Variants in CAST observed in about 807,000 individuals in gnomAD.
CAST encodes calpastatin.
In CAST, 76 loss-of-function variants were observed where a neutral mutation model predicts 119.6. That is an observed-to-expected ratio of 0.64 (90% CI 0.53 to 0.77). The LOEUF (loss-of-function observed/expected upper bound fraction) is 0.77. Among genes scored for constraint, CAST ranks in the 30% least tolerant of loss-of-function variants. CAST has a pLI of 0.00. For synonymous variants in CAST, 319 were observed against 331.6 expected, an observed-to-expected ratio of 0.96 and a Z score of 0.41; for missense variants, 953 against 946.5, an observed-to-expected ratio of 1.01 and a Z score of -0.09.
At chr5:96,006,043 A>C in the CAST span, among the ~76,000 whole-genome samples, 1 of 152,192 alleles carries the variant, frequency 6.6e-6, no homozygotes, top group African/African-American at 2.4e-5. Context: ...TATTCTTCCC[A>C]AAAATACGAT....
chr5:96,044,977 C>G, the CAST span, among the ~76,000 whole-genome samples: 1 of 152,176 alleles, frequency 6.6e-6, no homozygotes, highest in Non-Finnish European at 1.5e-5. Context: ...GCTGTAGTAA[C>G]TGGGACAGGC....
chr5:96,669,683 G>T (rs1324152970), intron 1 of CAST, among the ~76,000 whole-genome samples: 1 of 152,194 alleles, frequency 6.6e-6, no homozygotes, highest in Non-Finnish European at 1.5e-5. Flanking sequence ...ATAGGGCACT[G>T]TGCTGCTTCA....
intron 1 of CAST, among the ~76,000 whole-genome samples, chr5:96,598,132 C>CATAACAAAA (rs1320654587): frequency 6.6e-6 from 1 of 152,156 alleles, no homozygotes; most frequent in African/African-American, 2.4e-5. Flanking sequence ...GCTGGACTTG[C>CATAACAAAA]TGCCCATACA....
the CAST span, among the ~76,000 whole-genome samples, chr5:96,452,492 C>T: frequency 3.3e-5 from 5 of 151,774 alleles, no homozygotes; most frequent in African/African-American, 4.8e-5. Flanking sequence ...GGGCCTGTTG[C>T]GGGGTAGGAG....
intron 2 of CAST, among the ~76,000 whole-genome samples, chr5:96,692,328 G>A (rs1752819513): frequency 6.6e-6 from 1 of 152,130 alleles, no homozygotes. Flanking sequence ...CTTGCACCTG[G>A]AGGCAAGGGA....
At chr5:96,496,045 A>G in the CAST span, among the ~76,000 whole-genome samples, 1 of 152,130 alleles carries the variant, frequency 6.6e-6, no homozygotes, top group African/African-American at 2.4e-5. Flanking sequence ...ATATGTGATA[A>G]AAAAATACAA....
chr5:96,012,898 G>A, the CAST span, among the ~76,000 whole-genome samples: 1 of 152,138 alleles, frequency 6.6e-6, no homozygotes, highest in Non-Finnish European at 1.5e-5. Flanking sequence ...GTTTCTGCCA[G>A]TCCAAGGAGA....
intron 3 of CAST, among the ~76,000 whole-genome samples, chr5:96,697,815 G>A (rs937967758): frequency 6.6e-6 from 1 of 152,222 alleles, no homozygotes; most frequent in African/African-American, 2.4e-5. Context: ...GCTGTTGAGA[G>A]CCTTAAATGA....
chr5:96,328,315 T>C, the CAST span, among the ~76,000 whole-genome samples: 28 of 152,264 alleles, frequency 1.8e-4, no homozygotes, highest in African/African-American at 6.7e-4. Context: ...TTCTGATTTG[T>C]TTTTGCAGGT....
intron 1 of CAST, among the ~76,000 whole-genome samples, chr5:96,627,095 G>C (rs891535373): frequency 2.6e-5 from 4 of 152,162 alleles, no homozygotes; most frequent in Admixed American, 1.3e-4. Context: ...TGAGAAACTG[G>C]GAAACAATTG....
the CAST span, among the ~76,000 whole-genome samples, chr5:96,265,444 G>T: frequency 6.6e-6 from 1 of 152,150 alleles, no homozygotes; most frequent in African/African-American, 2.4e-5. Context: ...ATGGGGTAGA[G>T]GTTGGAGAAG....
chr5:96,166,591 A>G, the CAST span, among the ~76,000 whole-genome samples: 1 of 152,228 alleles, frequency 6.6e-6, no homozygotes, highest in Non-Finnish European at 1.5e-5. Flanking sequence ...AGCTATAATC[A>G]TATTTAATGA....
the CAST span, among the ~76,000 whole-genome samples, chr5:96,304,862 A>G: frequency 6.6e-6 from 1 of 152,088 alleles, no homozygotes; most frequent in Admixed American, 6.5e-5. Context: ...GCCTTGTAGT[A>G]TAGTTTGAAG....
chr5:96,302,275 G>A, the CAST span, among the ~76,000 whole-genome samples: 1 of 152,018 alleles, frequency 6.6e-6, no homozygotes, highest in Non-Finnish European at 1.5e-5. Context: ...CAGGGCACTG[G>A]GCCTGCTCAC....
chr5:96,562,433 CAT>C (rs1353358044), intron 1 of CAST, among the ~76,000 whole-genome samples: 1 of 152,142 alleles, frequency 6.6e-6, no homozygotes, highest in Non-Finnish European at 1.5e-5. Context: ...ATGAAATACA[CAT>C]CTTTGCCTCT....
At chr5:96,106,434 G>A in the CAST span, among the ~76,000 whole-genome samples, 1 of 152,126 alleles carries the variant, frequency 6.6e-6, no homozygotes, top group African/African-American at 2.4e-5. Flanking sequence ...TTTTGTTCTT[G>A]TTGGTTTCAA....
chr5:96,442,288 A>G, the CAST span, among the ~76,000 whole-genome samples: 1 of 152,234 alleles, frequency 6.6e-6, no homozygotes, highest in Admixed American at 6.5e-5. Context: ...AATACTATTT[A>G]TGAGATTTGA....
At chr5:96,245,037 A>G in the CAST span, among the ~76,000 whole-genome samples, 1 of 152,194 alleles carries the variant, frequency 6.6e-6, no homozygotes, top group Non-Finnish European at 1.5e-5. Context: ...TCCACTCACA[A>G]TTTATTTAAA....
At chr5:96,148,737 C>T in the CAST span, among the ~76,000 whole-genome samples, 2 of 152,188 alleles carry the variant, frequency 1.3e-5, no homozygotes, top group African/African-American at 4.8e-5. Flanking sequence ...AAACTGGAAA[C>T]TATTAAATCA....
Sources: allele counts gnomAD v4.1 joint callset (sites outside exome capture counted in the v4.1 genomes callset), GRCh38; gene constraint gnomAD v4.1.1; transcripts MANE v1.5; gene names NCBI Gene and HGNC (gene_info 2026-07-23, HGNC 2026-07-21).